The following LSM2 variants were observed in gnomAD, a reference collection of about 807,000 sequenced individuals.
LSM2 encodes the protein LSM2 homolog, U6 small nuclear RNA and mRNA degradation associated.
LSM2 carries 12 observed loss-of-function variants against 17.0 expected under a neutral mutation model. That is an observed-to-expected ratio of 0.70 (90% CI 0.45 to 1.14). LSM2 has a LOEUF of 1.14. Ranked by LOEUF, LSM2 falls within the 50% of genes most tolerant of loss-of-function variation. The probability of loss-of-function intolerance (pLI) is 0.00; values close to 1 mark genes in which losing one functional copy is unlikely to be tolerated. For synonymous variants in LSM2, 42 were observed against 44.5 expected (o/e 0.94, Z 0.22); for missense variants, 62 against 111.8 (o/e 0.55, Z 2.01).
In LSM2 at chr6:31,804,566, G is replaced by A. The variant is rs954182986; in HGVS notation, c.71+1509C>T. 5.3e-5 allele frequency among the ~76,000 whole-genome samples: 8 copies of A among 151,966 alleles called. No homozygotes were observed. The South Asian group carries it at 1.2e-3, about 24-fold the overall frequency. On this transcript the variant is annotated intron_variant, in intron 2 of 4. Coordinates refer to ENST00000375661, the MANE Select transcript of LSM2 (RefSeq NM_021177.5). ...AATAGTGGTTAGTCAATACGTCTTC[G>A]GATATTATTTTTCTTTCTTTAAGCA...
At chr6:31,804,763 C>CTTTTTTTTTTTT (rs9279424) in intron 2 of LSM2, among the ~76,000 whole-genome samples, 36 of 104,868 alleles carry the variant, frequency 3.4e-4, no homozygotes, top group Non-Finnish European at 5.9e-4. Flanking sequence ...TCTTTTTTTT[C>CTTTTTTTTTTTT]TTTTTTTTTT....
intron 2 of LSM2, among the ~76,000 whole-genome samples, chr6:31,805,837 C>G (rs1045442212): frequency 6.6e-6 from 1 of 152,004 alleles, no homozygotes; most frequent in Non-Finnish European, 1.5e-5. Flanking sequence ...ATTGCCTGGG[C>G]TAGAGTGCAA....
rs1815020574 is a variant in LSM2, at chr6:31,806,145, A to G, written c.4-3T>C. 6.2e-7 allele frequency: 1 copy of G among 1,612,702 alleles called. No individual in the cohort carries two copies. The highest frequency in any genetic ancestry group is 1.3e-5 in the African/African-American group (1 of 74,934). ...GACTTGAAAAAAGAATAGAAGAGCT[A>G]TTGGGAGAGAGGGGGAAAACCATCA... On this transcript the variant is annotated splice_region_variant and splice_polypyrimidine_tract_variant and intron_variant, in intron 1 of 4. Coordinates refer to ENST00000375661, the MANE Select transcript of LSM2 (RefSeq NM_021177.5).
In LSM2 at chr6:31,806,800, A is replaced by T. The variant is rs372903888; in HGVS notation, c.-43T>A. The T allele has an allele frequency of 6.2e-6, 10 of 1,602,638 alleles. No individual in the cohort carries two copies. Among genetic ancestry groups the T allele is most frequent in the Non-Finnish European group, 7.7e-6 (9 of 1,175,986 alleles). ...CAGCGGGCCGGACCGGGAAGACAGC[A>T]GGGTGCTGCGAGCAGGTCTGGGGAA... On this transcript the variant is annotated 5_prime_UTR_variant, in exon 1 of 5. Coordinates refer to ENST00000375661, the MANE Select transcript of LSM2 (RefSeq NM_021177.5).
At position 31,803,191 on chromosome 6, in the gene LSM2, T is replaced by C. The variant is rs1459222291; in HGVS notation, c.71+2884A>G. On this transcript the variant is annotated intron_variant, in intron 2 of 4. Transcript: ENST00000375661. The stretch of plus-strand genomic sequence containing the variant: ...TTAAGTCCCTCTCCTCACCATTCCC[T>C]GCCCTGTCAACGTGTAACCCATGAA... Among the ~76,000 whole-genome samples, 8 of 152,196 alleles carry C rather than the reference T, an allele frequency of 5.3e-5. No individual in the cohort carries two copies. The East Asian group carries it at 1.5e-3, about 29-fold the overall frequency.
In LSM2 at chr6:31,800,635, C is replaced by T. The variant is rs891737308; in HGVS notation, c.72-2128G>A. 1.3e-5 allele frequency among the ~76,000 whole-genome samples: 2 copies of T among 152,086 alleles called. 1 individual carries two copies. Among genetic ancestry groups the T allele is most frequent in the Admixed American group, 1.3e-4 (2 of 15,258 alleles). ...GGGCGTGGTGGCTCACGCCTATAAT[C>T]TCAGCACTTTGGGAGGCCGAGGCGG... On this transcript the variant is annotated intron_variant, in intron 2 of 4. Transcript: ENST00000375661.
At chr6:31,802,535 C>T (rs1350105360) in intron 2 of LSM2, among the ~76,000 whole-genome samples, 1 of 151,720 alleles carries the variant, frequency 6.6e-6, no homozygotes, top group East Asian at 1.9e-4. Context: ...TCGGAGGTTA[C>T]AGCACCACTG....
Position 31,799,768 on chromosome 6 carries a change from A to G in LSM2, c.72-1261T>C, listed in dbSNP as rs1328467790. Among the ~76,000 whole-genome samples the G allele has an allele frequency of 2.0e-5, 3 of 151,928 alleles. No homozygotes were observed. The East Asian group carries it at 5.8e-4, about 29-fold the overall frequency. ...AGCCCATATGTGGATAAAGGTAGGT[A>G]GCATTACTCTTGATGATGCAGGCAT... is the stretch of plus-strand genomic sequence containing the variant. On this transcript the variant is annotated intron_variant, in intron 2 of 4. Transcript: ENST00000375661.
Position 31,798,509 on chromosome 6 carries a change from T to C in LSM2, c.72-2A>G, listed in dbSNP as rs762203320. ...ACAGAATGGAGGGTTCCACAGATGC[T>C]GTCAAGGGCAGAGGGAGAGAAGAAT... On this transcript the variant is annotated splice_acceptor_variant, in intron 2 of 4. Coordinates refer to ENST00000375661, the MANE Select transcript of LSM2 (RefSeq NM_021177.5). LOFTEE classifies it high-confidence loss of function. 6.2e-7 allele frequency: 1 copy of C among 1,612,782 alleles called. No homozygotes were observed. The highest frequency in any genetic ancestry group is 1.3e-5 in the African/African-American group (1 of 74,916).
intron 2 of LSM2, among the ~76,000 whole-genome samples, chr6:31,805,740 T>C (rs1340215328): frequency 6.6e-6 from 1 of 152,188 alleles, no homozygotes; most frequent in Non-Finnish European, 1.5e-5. Flanking sequence ...CACGATACAA[T>C]CTCTAAGCTT....
chr6:31,802,945 C>T (rs1814804282), intron 2 of LSM2: 1 of 152,062 alleles, frequency 6.6e-6, no homozygotes, highest in African/African-American at 2.4e-5. Context: ...AATAAAGGTA[C>T]TTTAGGGCCT....
Position 31,797,493 on chromosome 6 carries a change from A to G in LSM2, c.*264T>C. On this transcript the variant is annotated 3_prime_UTR_variant, in exon 5 of 5. Transcript: ENST00000375661. ...GAAAGACCTAGGAAACTCTCCTACC[A>G]TCTCCAGAGAAGTAGTGAGAAAGGC... 1 of 485,354 alleles carries G rather than the reference A, an allele frequency of 2.1e-6. No homozygotes were observed. The highest frequency in any genetic ancestry group is 3.7e-6 in the Non-Finnish European group (1 of 270,740). 30.1% of individuals were successfully genotyped at this position (485,354 alleles called of 1,614,324 possible). A position where few individuals can be genotyped will look rare whatever the true frequency, so the allele number is the denominator to read the frequency against.
chr6:31,806,950 G>A lies in LSM2; in HGVS notation c.-193C>T. 2 of 672,690 alleles carry A rather than the reference G, an allele frequency of 3.0e-6. No individual in the cohort carries two copies. Among genetic ancestry groups the A allele is most frequent in the Non-Finnish European group, 4.9e-6 (2 of 408,320 alleles). 41.7% of individuals were successfully genotyped at this position (672,690 alleles called of 1,614,324 possible). A position where few individuals can be genotyped will look rare whatever the true frequency, so the allele number is the denominator to read the frequency against. ...ACTTGCGGCTGGGGAGCGCAAGCTG[G>A]GTAGAGTAGAGGGGAGGAGGAAGCC... On this transcript the variant is annotated 5_prime_UTR_variant, in exon 1 of 5. Coordinates refer to ENST00000375661, the MANE Select transcript of LSM2 (RefSeq NM_021177.5).
In LSM2 at chr6:31,797,750, G is replaced by A. The variant is rs778095866; in HGVS notation, c.*7C>T. On this transcript the variant is annotated 3_prime_UTR_variant, in exon 5 of 5. Coordinates refer to ENST00000375661, the MANE Select transcript of LSM2 (RefSeq NM_021177.5). The stretch of plus-strand genomic sequence containing the variant: ...TGAAAGAGGGAGGGGAAGAGGAGGA[G>A]GAGCCATCACTGTTTCTGCTGCAGG... The A allele has an allele frequency of 1.2e-6, 2 of 1,612,480 alleles. No individual in the cohort carries two copies. Among genetic ancestry groups the A allele is most frequent in the South Asian group, 2.2e-5 (2 of 91,060 alleles).
At chr6:31,800,722 C>A (rs568883434) in intron 2 of LSM2, among the ~76,000 whole-genome samples, 22 of 152,140 alleles carry the variant, frequency 1.4e-4, no homozygotes, top group African/African-American at 4.8e-4. Context: ...CCCGTCTCTA[C>A]TAAAAATACA....
chr6:31,797,920 A>ATT, intron 4 of LSM2, 38 bp from the exon 5 acceptor site: 1 of 1,612,700 alleles, frequency 6.2e-7, no homozygotes, highest in Non-Finnish European at 8.5e-7. Flanking sequence ...CACCCTTAAA[A>ATT]ATGTCCTCTA....
At chr6:31,802,774 G>T (rs944047378) in intron 2 of LSM2, 10 of 151,878 alleles carry the variant, frequency 6.6e-5, no homozygotes, top group East Asian at 1.9e-4. Context: ...TGAGCCAGGC[G>T]TTGTGGCGCA....
chr6:31,801,614 G>A (rs896301343), intron 2 of LSM2, among the ~76,000 whole-genome samples: 11 of 152,000 alleles, frequency 7.2e-5, no homozygotes, highest in Non-Finnish European at 1.3e-4. Flanking sequence ...GGCCAACATG[G>A]TGAAACCCCA....
intron 2 of LSM2, among the ~76,000 whole-genome samples, chr6:31,804,763 CTTTTTTTTTT>C (rs9279424): frequency 4.8e-5 from 5 of 104,908 alleles, no homozygotes; most frequent in African/African-American, 1.1e-4. Context: ...TCTTTTTTTT[CTTTTTTTTTT>C]TTTTTTTTTT....
Sources: gnomAD v4.1 joint callset for allele counts (sites outside exome capture counted in the v4.1 genomes callset) on GRCh38, gnomAD v4.1.1 for gene constraint, MANE v1.5 for transcripts, NCBI Gene and HGNC (gene_info 2026-07-23, HGNC 2026-07-21) for gene names.